The following IRX6 variants were observed in gnomAD, a reference collection of about 807,000 sequenced individuals.
IRX6 encodes iroquois-class homeodomain protein IRX-6.
Under a neutral mutation model 47.7 loss-of-function variants are expected in IRX6, and 46 were observed. The observed-to-expected ratio is 0.96, with a 90% confidence interval of 0.76 to 1.23. The LOEUF (loss-of-function observed/expected upper bound fraction) is 1.23. Ranked by LOEUF, IRX6 falls within the 50% of genes most tolerant of loss-of-function variation. The pLI, the probability that IRX6 is intolerant of heterozygous loss-of-function variation, is 0.00. For synonymous variants in IRX6, 265 were observed against 246.2 expected, an observed-to-expected ratio of 1.08 and a Z score of -0.72; for missense variants, 722 against 588.0, an observed-to-expected ratio of 1.23 and a Z score of -2.36.
chr16:55,327,204 G>T, intron 2 of IRX6, 92 bp from the exon 3 acceptor site: 2 of 855,768 alleles, frequency 2.3e-6, no homozygotes, highest in Non-Finnish European at 3.9e-6. Context: ...AGTACCAGTG[G>T]CCATACTGGG....
In IRX6 at chr16:55,329,325, A is replaced by G. The variant is rs1366020624; in HGVS notation, c.1333+14A>G. ...CTGGAGCAGAAGGTAGTGGGCCCCC[A>G]GCGGCGCTGGGAGTATCTATGCAAA... On this transcript the variant is annotated intron_variant, in intron 5 of 5. Transcript: ENST00000290552. 1 of 1,586,294 alleles carries G rather than the reference A, an allele frequency of 6.3e-7. No homozygotes were observed.
chr16:55,330,210 C>T (rs1198423530), intron 5 of IRX6, 88 bp from the exon 6 acceptor site: 26 of 1,223,048 alleles, frequency 2.1e-5, no homozygotes, highest in Non-Finnish European at 3.2e-5. Flanking sequence ...CATTTGCTTG[C>T]CTTCAGAAGA....
intron 1 of IRX6, 49 bp from the exon 2 acceptor site, chr16:55,326,287 G>T (rs760318362): frequency 1.4e-6 from 2 of 1,417,194 alleles, no homozygotes; most frequent in East Asian, 2.3e-5. Context: ...GGGGGCGGGG[G>T]TGGGGGGGGG....
In IRX6 at chr16:55,325,063, A is replaced by C. The variant is rs1165967363; in HGVS notation, c.-29A>C. ...GGGCTGAGACGGGAACTCGACAGGG[A>C]AGAGAGAGACGGGCCAGGGACAGCC... On this transcript the variant is annotated 5_prime_UTR_variant, in exon 1 of 6. Coordinates refer to ENST00000290552, the MANE Select transcript of IRX6 (RefSeq NM_024335.3). The C allele has an allele frequency of 1.2e-6, 2 of 1,613,280 alleles. No individual in the cohort carries two copies. Among genetic ancestry groups the C allele is most frequent in the Non-Finnish European group, 1.7e-6 (2 of 1,179,488 alleles).
Position 55,329,311 on chromosome 16 carries a change from G to T in IRX6, c.1333G>T (p.Ala445Ser). The T allele has an allele frequency of 6.3e-7, 1 of 1,593,030 alleles. No individual in the cohort carries two copies. Residue 445 changes from alanine to serine, a missense_variant and splice_region_variant, in exon 5 of 6, where the codon GCA becomes TCA. Ala to Ser is a moderately conservative substitution (Grantham distance 99). Coordinates refer to ENST00000290552, the MANE Select transcript of IRX6 (RefSeq NM_024335.3). The stretch of plus-strand genomic sequence containing the variant: ...GTGCCAGTACCCGTCTGGAGCAGAA[G>T]GTAGTGGGCCCCCAGCGGCGCTGGG... ...VQCQYPSGAE[A>S]G
intron 5 of IRX6, among the ~76,000 whole-genome samples, chr16:55,329,990 C>G (rs1960614989): frequency 6.6e-6 from 1 of 152,198 alleles, no homozygotes; most frequent in South Asian, 2.1e-4. Context: ...GGTTCTTTCA[C>G]TGTGTTAAGG....
rs984589189 is a variant in IRX6, at chr16:55,324,700, T to C, written c.-392T>C. 3 of 218,256 alleles carry C rather than the reference T, an allele frequency of 1.4e-5. No homozygotes were observed. Among genetic ancestry groups the C allele is most frequent in the Non-Finnish European group, 2.7e-5 (3 of 109,862 alleles). The allele number at this position is 218,256 out of a possible 1,614,324, so 13.5% of individuals were successfully genotyped here. ...CAGGGTCCCGGGGCCCGGGGTCCCG[T>C]CTGGCGGCCCGGGATTACCGTGACG... On this transcript the variant is annotated 5_prime_UTR_variant, in exon 1 of 6. Coordinates refer to ENST00000290552, the MANE Select transcript of IRX6 (RefSeq NM_024335.3). The surrounding 1 kb of genome is among the most constrained non-coding windows in gnomAD (Gnocchi z 4.4).
At chr16:55,328,632 G>A in intron 4 of IRX6, 68 bp from the exon 5 acceptor site, 1 of 1,533,298 alleles carries the variant, frequency 6.5e-7, no homozygotes. Context: ...AAGCTTCTCG[G>A]GGATGGACAT....
chr16:55,326,972 G>GGGGGGGGGGGGGGGGGGGGGGGGGGGA, intron 2 of IRX6: 1 of 103,386 alleles, frequency 9.7e-6, no homozygotes, highest in Non-Finnish European at 1.7e-5. Context: ...GGGGTGGGGG[G>GGGGGGGGGGGGGGGGGGGGGGGGGGGA]CAGTAAGGGG....
chr16:55,329,814 T>C (rs1022892322), intron 5 of IRX6, among the ~76,000 whole-genome samples: 19 of 152,210 alleles, frequency 1.2e-4, no homozygotes, highest in African/African-American at 4.6e-4. Flanking sequence ...TAAGTCCAGC[T>C]TGCAGCCCTG....
chr16:55,326,753 T>A, intron 2 of IRX6, 160 bp downstream of exon 2: 1 of 642,944 alleles, frequency 1.6e-6, no homozygotes. Flanking sequence ...CAGAACTTCA[T>A]ACTGTTTAGA....
intron 2 of IRX6, chr16:55,327,040 C>G (rs1243564867): frequency 4.2e-6 from 2 of 470,718 alleles, no homozygotes; most frequent in African/African-American, 3.9e-5. Context: ...TTAACTACTG[C>G]TTATTCTGCA....
intron 5 of IRX6, 136 bp downstream of exon 5, chr16:55,329,447 C>G: frequency 8.6e-7 from 1 of 1,158,974 alleles, no homozygotes; most frequent in African/African-American, 1.5e-5. Flanking sequence ...TGCTTTACAG[C>G]GCTCTTTCAG....
At chr16:55,327,193 C>T (rs1391512937) in intron 2 of IRX6, 103 bp from the exon 3 acceptor site, 1 of 785,566 alleles carries the variant, frequency 1.3e-6, no homozygotes, top group African/African-American at 1.7e-5. Flanking sequence ...GTCACACGGC[C>T]AGTACCAGTG....
At chr16:55,327,962 G>GCTGC in intron 4 of IRX6, 69 bp downstream of exon 4, 1 of 1,488,606 alleles carries the variant, frequency 6.7e-7, no homozygotes, top group Non-Finnish European at 9.0e-7. Flanking sequence ...TCTTTCAAAA[G>GCTGC]CTGCCCTGTA....
rs763870755 is a variant in IRX6, at chr16:55,328,862, C to G, written c.884C>G (p.Pro295Arg). 2 of 1,612,890 alleles carry G rather than the reference C, an allele frequency of 1.2e-6. No individual in the cohort carries two copies. Among genetic ancestry groups the G allele is most frequent in the Non-Finnish European group, 1.7e-6 (2 of 1,179,938 alleles). Reference protein sequence around the residue: ...FRKGAQSLPGPCAAAREGRLE... With the variant: ...FRKGAQSLPGRCAAAREGRLE... Reference sequence around the variant, plus strand: ...AAGGGCGCGCAGTCACTGCCTGGGCCGTGCGCTGCAGCTCGAGAGGGCCGA... The same window carrying G: ...AAGGGCGCGCAGTCACTGCCTGGGCGGTGCGCTGCAGCTCGAGAGGGCCGA... The change falls in exon 5 of 6, where the codon CCG becomes CGG. Residue 295 changes from proline (P) to arginine (R), a missense_variant. By Grantham distance (103) the Pro-to-Arg change is moderately radical. Transcript: ENST00000290552.
rs201119784 is a variant in IRX6 at position 55,328,706 on chromosome 16, C to T, written c.728C>T (p.Thr243Ile). 1.3e-4 allele frequency: 210 copies of T among 1,612,846 alleles called. No homozygotes were observed. The highest frequency in any genetic ancestry group is 2.7e-5 in the African/African-American group (2 of 74,930). ...CGCTCTTGATTTCCTGCAGAAGTTA[C>T]TGCTAGCCAGGAGGCCCGGGGGCTC... is the stretch of plus-strand genomic sequence containing the variant. ...GCLTADTKEV[T>I]ASQEARGLRL... Residue 243 changes from threonine (T) to isoleucine (I), a missense_variant, in exon 5 of 6, where the codon ACT becomes ATT. Physicochemically the swap from Thr to Ile is moderately conservative, Grantham distance 89 (BLOSUM62 -1). Coordinates refer to ENST00000290552, the MANE Select transcript of IRX6 (RefSeq NM_024335.3).
At chr16:55,329,742 G>A (rs773180309) in intron 5 of IRX6, among the ~76,000 whole-genome samples, 3 of 152,164 alleles carry the variant, frequency 2.0e-5, no homozygotes, top group Non-Finnish European at 4.4e-5. Context: ...GCAGGCACCA[G>A]GGCTTTTAGA....
Position 55,325,559 on chromosome 16 carries a change from GAGAAAGAA to G in IRX6, c.45+427_45+434del, listed in dbSNP as rs1567338603. ...AGAGAGAGAGAGAGAGAGAGAGAGA[GAGAAAGAA>G]AGAGAAAGAAAGAAAGAAGGAAAGA... On this transcript the variant is annotated intron_variant, in intron 1 of 5. Transcript: ENST00000290552. Among the ~76,000 whole-genome samples, 134 of 92,004 alleles carry G rather than the reference GAGAAAGAA, an allele frequency of 1.5e-3. 26 individuals carry two copies. The highest frequency in any genetic ancestry group is 3.4e-3 in the East Asian group (9 of 2,656). 60.4% of individuals were successfully genotyped at this position (92,004 alleles called of 152,430 possible). A position where few individuals can be genotyped will look rare whatever the true frequency, so the allele number is the denominator to read the frequency against.
Sources: allele counts gnomAD v4.1 joint callset (sites outside exome capture counted in the v4.1 genomes callset), GRCh38; gene constraint gnomAD v4.1.1; non-coding constraint Gnocchi (gnomAD v3.1); transcripts MANE v1.5; gene names NCBI Gene and HGNC (gene_info 2026-07-23, HGNC 2026-07-21).